The following LMTK2 variants were observed in gnomAD, a reference collection of about 807,000 sequenced individuals.
LMTK2 encodes lemur tail kinase 2.
Under a neutral mutation model 127.5 loss-of-function variants are expected in LMTK2, and 37 were observed. The ratio of observed to expected loss-of-function variants is 0.29; its 90% CI spans 0.22 to 0.38. LMTK2 has a LOEUF of 0.38. Among genes scored for constraint, LMTK2 ranks in the 10% least tolerant of loss-of-function variants. The pLI is 1.00. For synonymous variants in LMTK2, 819 were observed against 810.1 expected, an observed-to-expected ratio of 1.01 and a Z score of -0.19; for missense variants, 1,694 against 1,920.3, an observed-to-expected ratio of 0.88 and a Z score of 2.20.
At chr7:98,108,076 T>G (rs539928342) in intron 1 of LMTK2, among the ~76,000 whole-genome samples, 73 of 152,364 alleles carry the variant, frequency 4.8e-4, no homozygotes, top group African/African-American at 1.7e-3. Context: ...CGTTATTGAC[T>G]GCCGCCATTA....
chr7:98,111,338 A>G (rs1385370539), intron 1 of LMTK2, among the ~76,000 whole-genome samples: 8 of 152,248 alleles, frequency 5.3e-5, no homozygotes, highest in Admixed American at 3.9e-4. Context: ...TAAATAAGGG[A>G]CGTCCAGGGT....
In LMTK2 at chr7:98,207,740, G is replaced by A. The variant is rs1343879986; in HGVS notation, c.*2248G>A. 6.6e-6 allele frequency: 1 copy of A among 152,116 alleles called. No homozygotes were observed. Among genetic ancestry groups the A allele is most frequent in the African/African-American group, 2.4e-5 (1 of 41,404 alleles). The allele number at this position is 152,116 out of a possible 1,614,324, so 9.4% of individuals were successfully genotyped here. The stretch of plus-strand genomic sequence containing the variant: ...ATGGAATCTGTCGTCGTCTTATACA[G>A]TGTCAGCCTCGAGTACATTTATTAA... On this transcript the variant is annotated 3_prime_UTR_variant, in exon 14 of 14. Coordinates refer to ENST00000297293, the MANE Select transcript of LMTK2 (RefSeq NM_014916.4).
At chr7:98,107,307 G>C (rs78007793) in intron 1 of LMTK2, 27 bp downstream of exon 1, 2 of 1,306,692 alleles carry the variant, frequency 1.5e-6, no homozygotes, top group Admixed American at 4.1e-5. Flanking sequence ...CGGGGACGGG[G>C]CTGCGGGGTC....
rs138845189 is a variant in LMTK2, at chr7:98,157,581, G to A, written c.570-1757G>A. Among the ~76,000 whole-genome samples, 19 of 149,472 alleles carry A rather than the reference G, an allele frequency of 1.3e-4. No individual in the cohort carries two copies. In the East Asian group the frequency reaches 2.6e-3, roughly 20 times the overall value. ...AACAATTGGAAAAACTAACATGTCC[G>A]TCAGTAGGTGAGTGGTTCAGCAAAG... On this transcript the variant is annotated intron_variant, in intron 5 of 13. Coordinates refer to ENST00000297293, the MANE Select transcript of LMTK2 (RefSeq NM_014916.4).
At chr7:98,173,624 T>C (rs1562914287) in intron 7 of LMTK2, among the ~76,000 whole-genome samples, 1 of 152,220 alleles carries the variant, frequency 6.6e-6, no homozygotes, top group Non-Finnish European at 1.5e-5. Flanking sequence ...GGCAAAGATA[T>C]CAGAGTAAAT....
intron 3 of LMTK2, among the ~76,000 whole-genome samples, chr7:98,143,483 C>T (rs907287466): frequency 6.6e-6 from 1 of 152,052 alleles, no homozygotes; most frequent in African/African-American, 2.4e-5. Context: ...AAAAGTAACA[C>T]GCTACTAGAA....
intron 3 of LMTK2, among the ~76,000 whole-genome samples, chr7:98,143,775 T>C (rs1198275637): frequency 6.6e-6 from 1 of 152,166 alleles, no homozygotes; most frequent in East Asian, 1.9e-4. Context: ...CAGTTCCACT[T>C]TTAGTAATTT....
rs923018493 is a variant in LMTK2 at position 98,171,871 on chromosome 7, A to G, written c.791+197A>G. Among the ~76,000 whole-genome samples the G allele has an allele frequency of 6.6e-6, 1 of 152,252 alleles. No homozygotes were observed. The highest frequency in any genetic ancestry group is 1.5e-5 in the Non-Finnish European group (1 of 68,042). ...TTCATTGAAACCAGTACCAGGGAAT[A>G]AGATGTCTTAATACATTTATTATTT... On this transcript the variant is annotated intron_variant, in intron 7 of 13. Transcript: ENST00000297293. The surrounding 1 kb of genome is among the most constrained non-coding windows in gnomAD (Gnocchi z 5.1).
chr7:98,115,781 C>G (rs182032116), intron 1 of LMTK2, among the ~76,000 whole-genome samples: 43 of 152,172 alleles, frequency 2.8e-4, no homozygotes, highest in African/African-American at 8.9e-4. Flanking sequence ...GAGCAAGACT[C>G]CATCTCAAAA....
Position 98,207,664 on chromosome 7 carries a change from T to C in LMTK2, c.*2172T>C, listed in dbSNP as rs1797828347. The C allele has an allele frequency of 6.6e-6, 1 of 152,144 alleles. No individual in the cohort carries two copies. Among genetic ancestry groups the C allele is most frequent in the East Asian group, 1.9e-4 (1 of 5,200 alleles). 9.4% of individuals were successfully genotyped at this position (152,144 alleles called of 1,614,324 possible). On this transcript the variant is annotated 3_prime_UTR_variant, in exon 14 of 14. Transcript: ENST00000297293. ...AATGAGACGTGATTATACTACTTTT[T>C]CAATTGCAGGTTTAAGGAGTTCAGA...
At chr7:98,158,386 C>T (rs974270572) in intron 5 of LMTK2, among the ~76,000 whole-genome samples, 3 of 152,200 alleles carry the variant, frequency 2.0e-5, no homozygotes, top group Admixed American at 6.5e-5. Flanking sequence ...GCAATACTCC[C>T]GGCTCAGCTT....
chr7:98,171,763 C>G lies in LMTK2; in HGVS notation c.791+89C>G. 1.4e-6 allele frequency: 2 copies of G among 1,382,420 alleles called. No individual in the cohort carries two copies. The highest frequency in any genetic ancestry group is 1.9e-6 in the Non-Finnish European group (2 of 1,049,124). The allele number at this position is 1,382,420 out of a possible 1,614,324, so 85.6% of individuals were successfully genotyped here. A position where few individuals can be genotyped will look rare whatever the true frequency, so the allele number is the denominator to read the frequency against. ...CCGAGTTTGTGAAACTTAAGGAGGA[C>G]AGGAGGTGGCAGAATGAACCCAGCT... On this transcript the variant is annotated intron_variant, in intron 7 of 13. Coordinates refer to ENST00000297293, the MANE Select transcript of LMTK2 (RefSeq NM_014916.4). This position sits in a 1 kb window ranked among gnomAD's most constrained non-coding sequence, Gnocchi z 5.1.
chr7:98,185,726 T>C (rs1182868521), intron 8 of LMTK2, among the ~76,000 whole-genome samples: 1 of 149,386 alleles, frequency 6.7e-6, no homozygotes, highest in Non-Finnish European at 1.5e-5. Context: ...CATTTTCTTT[T>C]CCTTTCTTTT....
chr7:98,172,081 A>G (rs142466325), intron 7 of LMTK2, among the ~76,000 whole-genome samples: 390 of 152,230 alleles, frequency 2.6e-3, no homozygotes, highest in African/African-American at 8.4e-3. Flanking sequence ...GAGAATCTCT[A>G]GGCCAGCAGC....
chr7:98,143,346 C>CA (rs994421546), intron 3 of LMTK2, among the ~76,000 whole-genome samples: 13 of 152,102 alleles, frequency 8.5e-5, no homozygotes, highest in Non-Finnish European at 2.9e-5. Context: ...ATCTGATTTA[C>CA]AAAAATGAAA....
rs926470486 is a variant in LMTK2 at position 98,207,366 on chromosome 7, C to G, written c.*1874C>G. The G allele has an allele frequency of 6.6e-6, 1 of 152,158 alleles. No homozygotes were observed. Among genetic ancestry groups the G allele is most frequent in the Non-Finnish European group, 1.5e-5 (1 of 68,040 alleles). The allele number at this position is 152,158 out of a possible 1,614,324, so 9.4% of individuals were successfully genotyped here. On this transcript the variant is annotated 3_prime_UTR_variant, in exon 14 of 14. Transcript: ENST00000297293. ...CTTCATTGCCAGTTCCACCCTACTC[C>G]TCTCATTTTTTATACTAAGCAATAA...
chr7:98,115,633 C>T (rs764088683), intron 1 of LMTK2, among the ~76,000 whole-genome samples: 1 of 151,776 alleles, frequency 6.6e-6, no homozygotes, highest in Non-Finnish European at 1.5e-5. Context: ...CATGGTGAAA[C>T]CCCGTCTCTA....
chr7:98,196,468 C>T (rs151200726), intron 11 of LMTK2, among the ~76,000 whole-genome samples: 23 of 152,282 alleles, frequency 1.5e-4, no homozygotes, highest in Admixed American at 7.2e-4. Flanking sequence ...CTTGGATTAT[C>T]GCTGCATTTC....
At chr7:98,197,913 G>A (rs752859519) in intron 11 of LMTK2, among the ~76,000 whole-genome samples, 30 of 152,150 alleles carry the variant, frequency 2.0e-4, no homozygotes, top group Non-Finnish European at 2.6e-4. Flanking sequence ...GTTGGTTTGG[G>A]TTTTGTTTGT....
Sources: allele counts gnomAD v4.1 joint callset (sites outside exome capture counted in the v4.1 genomes callset), GRCh38; gene constraint gnomAD v4.1.1; non-coding constraint Gnocchi (gnomAD v3.1); transcripts MANE v1.5; gene names NCBI Gene and HGNC (gene_info 2026-07-23, HGNC 2026-07-21).